The following NRIP3 variants were observed in gnomAD, a reference collection of about 807,000 sequenced individuals.
The protein encoded by NRIP3 is nuclear receptor-interacting protein 3.
NRIP3 carries 31 observed loss-of-function variants against 29.0 expected under a neutral mutation model. The ratio of observed to expected loss-of-function variants is 1.07; its 90% CI spans 0.80 to 1.44. The LOEUF (loss-of-function observed/expected upper bound fraction) is 1.44. Among genes scored for constraint, NRIP3 ranks in the 40% most tolerant of loss-of-function variants. NRIP3 has a pLI of 0.00. For synonymous variants in NRIP3, 131 were observed against 118.3 expected (o/e 1.11, Z -0.70); for missense variants, 314 against 297.9 (o/e 1.05, Z -0.40).
Position 8,981,932 on chromosome 11 carries a change from A to C in NRIP3, c.*1613T>G, listed in dbSNP as rs996056219. ...CTTTAGGGAGCTTCTGTGAGGCCCAAATCATTCAGAGTTCCAAAGGGCTGT... is the reference window on the plus strand; with the variant it reads ...CTTTAGGGAGCTTCTGTGAGGCCCACATCATTCAGAGTTCCAAAGGGCTGT... On this transcript the variant is annotated 3_prime_UTR_variant, in exon 7 of 7. Transcript: ENST00000309166. 1 of 152,192 alleles carries C rather than the reference A, an allele frequency of 6.6e-6. No individual in the cohort carries two copies. The highest frequency in any genetic ancestry group is 2.4e-5 in the African/African-American group (1 of 41,434). 9.4% of individuals were successfully genotyped at this position (152,192 alleles called of 1,614,324 possible). A position where few individuals can be genotyped will look rare whatever the true frequency, so the allele number is the denominator to read the frequency against.
In NRIP3 at chr11:8,985,859, A is replaced by G. The variant is rs1318871925; in HGVS notation, c.423-9T>C. On this transcript the variant is annotated splice_polypyrimidine_tract_variant and intron_variant, in intron 3 of 6. Transcript: ENST00000309166. ...TGACATGCTCCTTGAGTCTGTACCAAAGAGGAAGATACCAAAATCCCCTTG... is the reference window on the plus strand; with the variant it reads ...TGACATGCTCCTTGAGTCTGTACCAGAGAGGAAGATACCAAAATCCCCTTG... 2 of 1,613,606 alleles carry G rather than the reference A, an allele frequency of 1.2e-6. No individual in the cohort carries two copies. Among genetic ancestry groups the G allele is most frequent in the Admixed American group, 3.3e-5 (2 of 59,940 alleles).
intron 1 of NRIP3, among the ~76,000 whole-genome samples, chr11:9,000,459 A>T (rs930974868): frequency 6.6e-6 from 1 of 152,218 alleles, no homozygotes; most frequent in African/African-American, 2.4e-5. Flanking sequence ...ACTGTGTTCA[A>T]CCATCTTTCC....
Position 8,987,573 on chromosome 11 carries a change from A to G in NRIP3, c.397T>C (p.Ser133Pro). The G allele has an allele frequency of 6.2e-7, 1 of 1,614,054 alleles. No individual in the cohort carries two copies. Among genetic ancestry groups the G allele is most frequent in the Non-Finnish European group, 8.5e-7 (1 of 1,179,902 alleles). Residue 133 changes from serine (S) to proline (P), a missense_variant, in exon 3 of 7, where the codon TCT becomes CCT. Ser to Pro is a moderately conservative substitution (Grantham distance 74). Coordinates refer to ENST00000309166, the MANE Select transcript of NRIP3 (RefSeq NM_020645.3). ...VDTGCLYNLI[S>P]LACVDRLGLK... is the part of the protein sequence containing the mutation. ...CCCAATCTGTCCACACAGGCCAAAG[A>G]GATGAGATTATATAGGCAGCCTGTG...
chr11:8,988,386 G>T, intron 1 of NRIP3, 104 bp from the exon 2 acceptor site: 1 of 901,182 alleles, frequency 1.1e-6, no homozygotes, highest in Non-Finnish European at 1.7e-6. Context: ...CCATAACTGA[G>T]CTCTATCTTT....
chr11:8,996,893 C>CA lies in NRIP3; in HGVS notation c.174+6868dup, dbSNP rs551895379. Among the ~76,000 whole-genome samples the CA allele has an allele frequency of 2.9e-4, 44 of 152,042 alleles. 1 individual carries two copies. In the East Asian group the frequency reaches 8.2e-3, roughly 28 times the overall value. Reference sequence around the variant, plus strand: ...CAGTGAAATTGTGTCTCTACAAAAACAATTTTTTTTAATTAAAAATTTTAA... The same window carrying CA: ...CAGTGAAATTGTGTCTCTACAAAAACAAATTTTTTTTAATTAAAAATTTTAA... On this transcript the variant is annotated intron_variant, in intron 1 of 6. Transcript: ENST00000309166.
chr11:8,984,261 T>A (rs934932543), intron 4 of NRIP3, 137 bp from the exon 5 acceptor site: 39 of 538,154 alleles, frequency 7.2e-5, no homozygotes, highest in Middle Eastern at 5.4e-4. Flanking sequence ...ATTTTTTTTT[T>A]ATTTTTTTTT....
intron 4 of NRIP3, among the ~76,000 whole-genome samples, chr11:8,984,724 C>G (rs570046631): frequency 3.9e-5 from 6 of 152,128 alleles, no homozygotes; most frequent in Non-Finnish European, 8.8e-5. Context: ...AGTGTGGAAA[C>G]TGGTGGGAAA....
Position 8,982,989 on chromosome 11 carries a change from C to G in NRIP3, c.*556G>C. ...ATATGAACTTAGACAATTCACTTGC[C>G]TCTCTGGACCTTTAAATGAAAGAGT... On this transcript the variant is annotated 3_prime_UTR_variant, in exon 7 of 7. Transcript: ENST00000309166. 2.2e-6 allele frequency: 1 copy of G among 456,672 alleles called. No individual in the cohort carries two copies. The highest frequency in any genetic ancestry group is 6.9e-5 in the East Asian group (1 of 14,400). 28.3% of individuals were successfully genotyped at this position (456,672 alleles called of 1,614,324 possible).
At chr11:8,990,595 G>C (rs549463053) in intron 1 of NRIP3, among the ~76,000 whole-genome samples, 3 of 152,098 alleles carry the variant, frequency 2.0e-5, no homozygotes, top group Non-Finnish European at 4.4e-5. Flanking sequence ...AGACCAGCCT[G>C]TCCAACATGG....
At chr11:9,004,166 C>T (rs1389529403), upstream of NRIP3, 1 of 371,104 alleles carries the variant, frequency 2.7e-6, no homozygotes, top group Non-Finnish European at 4.7e-6. Context: ...GTGGCAAAGC[C>T]GGCGAGGAGG....
rs116470195 is a variant in NRIP3, at chr11:8,987,454, G to A, written c.422+94C>T. 1,589 of 905,410 alleles carry A rather than the reference G, an allele frequency of 1.8e-3. 13 individuals carry two copies. In the African/African-American group the frequency reaches 0.022, roughly 13 times the overall value. 56.1% of individuals were successfully genotyped at this position (905,410 alleles called of 1,614,324 possible). A position where few individuals can be genotyped will look rare whatever the true frequency, so the allele number is the denominator to read the frequency against. ...AACTCTGCATACTTCTCTTTGAGCT[G>A]CTGTAGAGACCCTCACCATCTCTAA... On this transcript the variant is annotated intron_variant, in intron 3 of 6. Coordinates refer to ENST00000309166, the MANE Select transcript of NRIP3 (RefSeq NM_020645.3).
intron 1 of NRIP3, among the ~76,000 whole-genome samples, chr11:8,998,128 A>C (rs971960339): frequency 6.6e-6 from 1 of 152,156 alleles, no homozygotes; most frequent in Non-Finnish European, 1.5e-5. Context: ...CCCAGTATAC[A>C]TGTCTCTATC....
chr11:8,995,378 G>C (rs1854683945), intron 1 of NRIP3, among the ~76,000 whole-genome samples: 1 of 152,140 alleles, frequency 6.6e-6, no homozygotes, highest in Non-Finnish European at 1.5e-5. Flanking sequence ...CAGTCATAAA[G>C]GAGGTTTGAA....
At chr11:8,987,402 A>G (rs1854535570) in intron 3 of NRIP3, 146 bp downstream of exon 3, 3 of 678,296 alleles carry the variant, frequency 4.4e-6, no homozygotes, top group African/African-American at 3.5e-5. Flanking sequence ...CCCCTCTACT[A>G]AGGATTCTGG....
Position 8,987,507 on chromosome 11 carries a change from C to T in NRIP3, c.422+41G>A, listed in dbSNP as rs1854536540. On this transcript the variant is annotated intron_variant, in intron 3 of 6. Transcript: ENST00000309166. ...ATAAAATAGAGTCAAGCGAAGAGTACAGTCACATCTAAGTTCCACTCAGCA... is the reference window on the plus strand; with the variant it reads ...ATAAAATAGAGTCAAGCGAAGAGTATAGTCACATCTAAGTTCCACTCAGCA... 5 of 1,353,608 alleles carry T rather than the reference C, an allele frequency of 3.7e-6. No individual in the cohort carries two copies. In the East Asian group the frequency reaches 6.9e-5, roughly 19 times the overall value. 83.8% of individuals were successfully genotyped at this position (1,353,608 alleles called of 1,614,324 possible). A position where few individuals can be genotyped will look rare whatever the true frequency, so the allele number is the denominator to read the frequency against.
chr11:8,996,184 A>G (rs1854700578), intron 1 of NRIP3, among the ~76,000 whole-genome samples: 1 of 151,642 alleles, frequency 6.6e-6, no homozygotes. Flanking sequence ...GGCAGGGACC[A>G]TGACTGTCTT....
At chr11:8,993,052 A>T (rs1854636368) in intron 1 of NRIP3, among the ~76,000 whole-genome samples, 1 of 152,254 alleles carries the variant, frequency 6.6e-6, no homozygotes, top group African/African-American at 2.4e-5. Flanking sequence ...GAAACAAACA[A>T]CAAGGAGAAA....
At chr11:8,984,984 T>G (rs1441576071) in intron 4 of NRIP3, among the ~76,000 whole-genome samples, 1 of 151,554 alleles carries the variant, frequency 6.6e-6, no homozygotes, top group Non-Finnish European at 1.5e-5. Context: ...CCCAAGTAGC[T>G]GGGATTAAAG....
At chr11:8,984,036 G>A in intron 5 of NRIP3, 36 bp downstream of exon 5, 1 of 1,599,884 alleles carries the variant, frequency 6.3e-7, no homozygotes, top group African/African-American at 1.3e-5. Flanking sequence ...CTGCCTCAGA[G>A]AGGAAGTATC....
Sources: allele counts gnomAD v4.1 joint callset (sites outside exome capture counted in the v4.1 genomes callset), GRCh38; gene constraint gnomAD v4.1.1; transcripts MANE v1.5; gene names NCBI Gene and HGNC (gene_info 2026-07-23, HGNC 2026-07-21).